ABLIM1: variants seen among roughly 807,000 people sequenced by gnomAD.
ABLIM1 encodes actin-binding LIM protein 1.
A neutral mutation model predicts 107.0 loss-of-function variants in ABLIM1; 40 were observed. The observed-to-expected ratio is 0.37, with a 90% CI of 0.29 to 0.49. ABLIM1 has a LOEUF of 0.49. ABLIM1 is among the 20% of genes least tolerant of loss of function. The pLI, the probability that ABLIM1 is intolerant of heterozygous loss-of-function variation, is 0.97. For synonymous variants in ABLIM1, 357 were observed against 357.3 expected, an observed-to-expected ratio of 1.00 and a Z score of 0.01; for missense variants, 857 against 1,008.5, an observed-to-expected ratio of 0.85 and a Z score of 2.04.
At chr10:114,568,751 C>G (rs951621314) in intron 4 of ABLIM1, among the ~76,000 whole-genome samples, 2 of 152,108 alleles carry the variant, frequency 1.3e-5, no homozygotes, top group Non-Finnish European at 2.9e-5. Flanking sequence ...CCATTGGAAG[C>G]AAAGGAGAAA....
chr10:114,547,011 C>T (rs1033112482), intron 5 of ABLIM1, among the ~76,000 whole-genome samples: 3 of 151,820 alleles, frequency 2.0e-5, no homozygotes, highest in South Asian at 2.1e-4. Flanking sequence ...AGGCTGGTCT[C>T]GAACTCCTGA....
At chr10:114,551,030 G>A (rs2067994317) in intron 4 of ABLIM1, among the ~76,000 whole-genome samples, 1 of 152,338 alleles carries the variant, frequency 6.6e-6, no homozygotes, top group Admixed American at 6.5e-5. Context: ...GTCCAGGGAG[G>A]TGGATGGTGT....
chr10:114,692,796 A>G (rs1029226132), intron 1 of ABLIM1, among the ~76,000 whole-genome samples: 7 of 152,212 alleles, frequency 4.6e-5, no homozygotes, highest in African/African-American at 1.7e-4. Context: ...AGGCTGAGGC[A>G]GGAGAATTGC....
chr10:114,609,973 T>G (rs2140200816), intron 1 of ABLIM1, among the ~76,000 whole-genome samples: 1 of 152,352 alleles, frequency 6.6e-6, no homozygotes, highest in South Asian at 2.1e-4. Context: ...ACAGTCTTAC[T>G]TTGGCCACAT....
intron 1 of ABLIM1, among the ~76,000 whole-genome samples, chr10:114,715,174 A>G (rs2081635262): frequency 6.6e-6 from 1 of 152,194 alleles, no homozygotes; most frequent in South Asian, 2.1e-4. Context: ...TGATGCAGGG[A>G]AAAAAGGCAA....
Position 114,718,029 on chromosome 10 carries a change from A to G in ABLIM1, c.-213+50032T>C, listed in dbSNP as rs201524824. Among the ~76,000 whole-genome samples, 799 of 113,162 alleles carry G rather than the reference A, an allele frequency of 7.1e-3. 12 individuals are homozygous for G. Among genetic ancestry groups the G allele is most frequent in the African/African-American group, 0.026 (701 of 27,252 alleles). The allele number at this position is 113,162 out of a possible 152,430, so 74.2% of individuals were successfully genotyped here. ...AAGGAAGGAAGGAAGGAAGGAAGGA[A>G]GGAGAAAGAGAAAGAGAAAGAAAGA... On this transcript the variant is annotated intron_variant, in intron 1 of 15. Coordinates refer to the ABLIM1 transcript ENST00000651092.
At position 114,575,412 on chromosome 10, in the gene ABLIM1, T is replaced by G; in HGVS notation, c.563+4A>C. On this transcript the variant is annotated splice_donor_region_variant and intron_variant, in intron 3 of 22. Transcript: ENST00000533213. ...GTAGGCTTTGGAAAGATAGGCTCAC[T>G]TACTTGCAGATAGTACAAGCAAAGC... 6.2e-7 allele frequency: 1 copy of G among 1,613,228 alleles called. No homozygotes were observed. The highest frequency in any genetic ancestry group is 1.7e-5 in the Admixed American group (1 of 59,934).
At chr10:114,552,330 C>T (rs907589421) in intron 4 of ABLIM1, among the ~76,000 whole-genome samples, 2 of 152,132 alleles carry the variant, frequency 1.3e-5, no homozygotes, top group Admixed American at 6.5e-5. Context: ...AAAATTGTTT[C>T]CAAATCACTG....
intron 2 of ABLIM1, among the ~76,000 whole-genome samples, chr10:114,597,789 G>A (rs1337175067): frequency 6.6e-6 from 1 of 152,094 alleles, no homozygotes; most frequent in Non-Finnish European, 1.5e-5. Context: ...TGTAAGAGGA[G>A]AGAGAGGAAA....
At chr10:114,781,660 GCGTGTA>G in the ABLIM1 span, among the ~76,000 whole-genome samples, 1 of 27,872 alleles carries the variant, frequency 3.6e-5, no homozygotes, top group African/African-American at 1.1e-4. Flanking sequence ...ATATATATAT[GCGTGTA>G]TATATATATA....
chr10:114,572,329 T>G (rs931620902), intron 3 of ABLIM1, among the ~76,000 whole-genome samples: 4 of 152,232 alleles, frequency 2.6e-5, no homozygotes, highest in Non-Finnish European at 5.9e-5. Flanking sequence ...TACCAGCTTT[T>G]TGACATTCAT....
At chr10:114,603,523 T>G (rs1233162154) in intron 1 of ABLIM1, among the ~76,000 whole-genome samples, 1 of 151,604 alleles carries the variant, frequency 6.6e-6, no homozygotes, top group Non-Finnish European at 1.5e-5. Flanking sequence ...ATTTACAACA[T>G]AACTCAGTTA....
chr10:114,565,764 G>A (rs1025142856), intron 4 of ABLIM1, among the ~76,000 whole-genome samples: 1 of 149,622 alleles, frequency 6.7e-6, no homozygotes, highest in Non-Finnish European at 1.5e-5. Context: ...AAACATGCAC[G>A]CGATGCTTTA....
At chr10:114,754,186 A>C (rs1383891686) in intron 1 of ABLIM1, among the ~76,000 whole-genome samples, 2 of 152,208 alleles carry the variant, frequency 1.3e-5, no homozygotes, top group African/African-American at 4.8e-5. Flanking sequence ...ACCTATAAGG[A>C]AATGAACTTC....
At chr10:114,699,910 C>A (rs1000313086) in intron 1 of ABLIM1, among the ~76,000 whole-genome samples, 5 of 152,090 alleles carry the variant, frequency 3.3e-5, no homozygotes, top group Non-Finnish European at 5.9e-5. Flanking sequence ...CACAGTATTG[C>A]AAGATGTTGC....
rs139445046 is a variant in ABLIM1, at chr10:114,445,387, G to C, written c.1752C>G (p.Arg584=). 82 of 1,613,472 alleles carry C rather than the reference G, an allele frequency of 5.1e-5. No homozygotes were observed. The African/African-American group carries it at 9.3e-4, about 18-fold the overall frequency. Residue 584 remains arginine (R), a synonymous_variant, in exon 16 of 23, where the codon CGC becomes CGG. Transcript: ENST00000533213. ...SFAVVGPDMK[R]RSSGREEDDE... ...CATCTTCCTCTCTGCCACTAGATCT[G>C]CGTTTCATGTCAGGTCCTAATTCCA...
At chr10:114,483,392 C>T (rs1565522663) in intron 8 of ABLIM1, among the ~76,000 whole-genome samples, 1 of 152,106 alleles carries the variant, frequency 6.6e-6, no homozygotes, top group Admixed American at 6.5e-5. Context: ...CCATCTAAGC[C>T]TCCTGAGTGG....
chr10:114,629,280 C>T lies in ABLIM1; in HGVS notation c.245-27319G>A, dbSNP rs2078015455. On this transcript the variant is annotated intron_variant, in intron 1 of 22. Transcript: ENST00000533213. This position sits in a 1 kb window ranked among gnomAD's most constrained non-coding sequence, Gnocchi z 4.0. ...TGGCAAGCACAACAGGGAGTCTATG[C>T]CACTCCTCCTTGGGCCGGCCATGTT... Among the ~76,000 whole-genome samples, 2 of 152,156 alleles carry T rather than the reference C, an allele frequency of 1.3e-5. No individual in the cohort carries two copies. The highest frequency in any genetic ancestry group is 1.5e-5 in the Non-Finnish European group (1 of 68,036).
chr10:114,658,444 G>T, upstream of ABLIM1: 1 of 520,538 alleles, frequency 1.9e-6, no homozygotes, highest in Non-Finnish European at 3.1e-6. Flanking sequence ...TCTCAGACAT[G>T]AATGCATATT....
Sources: gnomAD v4.1 joint callset for allele counts (sites outside exome capture counted in the v4.1 genomes callset) on GRCh38, gnomAD v4.1.1 for gene constraint, Gnocchi (gnomAD v3.1) non-coding constraint, MANE v1.5 for transcripts, NCBI Gene and HGNC (gene_info 2026-07-23, HGNC 2026-07-21) for gene names.